Variants in XPO6 observed in about 807,000 individuals in gnomAD.
The protein encoded by XPO6 is exportin 6.
XPO6 carries 3 observed loss-of-function variants against 130.0 expected under a neutral mutation model. That is an observed-to-expected ratio of 0.02 (90% CI 0.01 to 0.06). The LOEUF is 0.06. Among genes scored for constraint, XPO6 ranks in the 10% least tolerant of loss-of-function variants. The probability of loss-of-function intolerance (pLI) is 1.00; values close to 1 mark genes in which losing one functional copy is unlikely to be tolerated. For missense variants in XPO6, 970 were observed against 1,393.0 expected, an observed-to-expected ratio of 0.70 and a Z score of 4.83; for synonymous variants, 524 against 548.9, an observed-to-expected ratio of 0.95 and a Z score of 0.63.
intron 6 of XPO6, among the ~76,000 whole-genome samples, chr16:28,156,957 T>C (rs8056323): frequency 0.031 from 4,744 of 152,104 alleles, 216 homozygotes; most frequent in African/African-American, 0.1. Context: ...TACATGACCA[T>C]TAAATAAATA....
intron 9 of XPO6, among the ~76,000 whole-genome samples, chr16:28,145,455 G>GA (rs914738790): frequency 6.6e-6 from 1 of 152,158 alleles, no homozygotes; most frequent in Non-Finnish European, 1.5e-5. Context: ...TATGGGGGGG[G>GA]AAACAAACCA....
At chr16:28,208,075 G>A (rs1410427298) in intron 1 of XPO6, among the ~76,000 whole-genome samples, 1 of 152,166 alleles carries the variant, frequency 6.6e-6, no homozygotes, top group East Asian at 1.9e-4. Context: ...GAATCCAGGA[G>A]GCAGAGGTTG....
At chr16:28,199,185 A>G (rs1391217702) in intron 1 of XPO6, among the ~76,000 whole-genome samples, 2 of 152,232 alleles carry the variant, frequency 1.3e-5, no homozygotes, top group Admixed American at 6.5e-5. Flanking sequence ...TTTTATAAAA[A>G]TGTTTTTATT....
At chr16:28,128,995 G>C (rs2042615120) in intron 12 of XPO6, among the ~76,000 whole-genome samples, 1 of 152,156 alleles carries the variant, frequency 6.6e-6, no homozygotes, top group Non-Finnish European at 1.5e-5. Context: ...TGACAACTAT[G>C]GGTACCTAGC....
intron 12 of XPO6, among the ~76,000 whole-genome samples, chr16:28,127,596 C>T (rs1248852557): frequency 6.6e-6 from 1 of 152,172 alleles, no homozygotes; most frequent in Non-Finnish European, 1.5e-5. Context: ...ACAGTAAACA[C>T]GGATGGGTGG....
At chr16:28,209,241 C>G (rs1172423393) in intron 1 of XPO6, 2 of 152,114 alleles carry the variant, frequency 1.3e-5, no homozygotes, top group Non-Finnish European at 2.9e-5. Flanking sequence ...GTGATCGTTG[C>G]ACAACAATGT....
Position 28,211,354 on chromosome 16 carries a change from A to T in XPO6, c.3+12T>A. The T allele has an allele frequency of 2.3e-6, 3 of 1,312,596 alleles. No individual in the cohort carries two copies. Among genetic ancestry groups the T allele is most frequent in the Non-Finnish European group, 2.0e-6 (2 of 1,021,740 alleles). The allele number at this position is 1,312,596 out of a possible 1,614,324, so 81.3% of individuals were successfully genotyped here. A position where few individuals can be genotyped will look rare whatever the true frequency, so the allele number is the denominator to read the frequency against. Reference sequence around the variant, plus strand: ...GCACCCCAGGAGGGAAGGGGGCTCCAATTCCACTTACCATGCTGGCCGGGG... The same window carrying T: ...GCACCCCAGGAGGGAAGGGGGCTCCTATTCCACTTACCATGCTGGCCGGGG... On this transcript the variant is annotated intron_variant, in intron 1 of 23. Transcript: ENST00000304658.
intron 1 of XPO6, among the ~76,000 whole-genome samples, chr16:28,200,134 G>A (rs981570757): frequency 7.3e-5 from 11 of 149,962 alleles, no homozygotes; most frequent in African/African-American, 2.7e-4. Context: ...CAGCCTGGGC[G>A]AAACAGAGGG....
rs759553888 is a variant in XPO6, at chr16:28,111,868, T to C, written c.2290A>G (p.Asn764Asp). The C allele has an allele frequency of 6.2e-7, 1 of 1,614,154 alleles. No homozygotes were observed. The highest frequency in any genetic ancestry group is 1.7e-5 in the Admixed American group (1 of 60,014). Residue 764 changes from asparagine to aspartate, a missense_variant, in exon 17 of 24, where the codon AAC becomes GAC. Asn to Asp is a conservative substitution (Grantham distance 23). Transcript: ENST00000304658. ...LISALSRDYR[N>D]LKPSAVAPQR... ...GGGGCAACAGCACTGGGCTTCAGGT[T>C]GCGATAGTCCCGGGAGAGTGCAGAG...
At chr16:28,140,690 A>G (rs2042874757) in intron 9 of XPO6, among the ~76,000 whole-genome samples, 1 of 149,866 alleles carries the variant, frequency 6.7e-6, no homozygotes, top group Non-Finnish European at 1.5e-5. Context: ...AAAAAAAAAA[A>G]AAATTTTTTT....
chr16:28,131,326 C>T (rs2042664584), intron 12 of XPO6, among the ~76,000 whole-genome samples: 1 of 152,162 alleles, frequency 6.6e-6, no homozygotes, highest in African/African-American at 2.4e-5. Flanking sequence ...GGAGGCTCTG[C>T]CATGAATCAC....
At chr16:28,195,863 C>T (rs1267143210) in intron 1 of XPO6, among the ~76,000 whole-genome samples, 5 of 152,162 alleles carry the variant, frequency 3.3e-5, no homozygotes, top group Non-Finnish European at 7.4e-5. Flanking sequence ...AGCAAAACTC[C>T]GCACATTTAC....
chr16:28,197,953 T>A (rs1596969081), intron 1 of XPO6, among the ~76,000 whole-genome samples: 5 of 57,516 alleles, frequency 8.7e-5, no homozygotes, highest in Non-Finnish European at 1.4e-4. Context: ...TCAGACTACA[T>A]CTAAGTTTAT....
intron 7 of XPO6, chr16:28,154,172 A>G (rs2043143176): frequency 1.0e-6 from 1 of 979,746 alleles, no homozygotes; most frequent in Non-Finnish European, 1.2e-6. Flanking sequence ...TATGTACCGC[A>G]TGATAGTTTT....
intron 1 of XPO6, among the ~76,000 whole-genome samples, chr16:28,204,359 C>T (rs1244217282): frequency 6.6e-6 from 1 of 151,716 alleles, no homozygotes; most frequent in African/African-American, 2.4e-5. Context: ...GAGGGAAGGC[C>T]CCACTGGAAA....
intron 6 of XPO6, among the ~76,000 whole-genome samples, chr16:28,164,564 A>G (rs528107047): frequency 1.3e-5 from 2 of 152,322 alleles, no homozygotes; most frequent in Admixed American, 1.3e-4. Context: ...TTATTTCTCA[A>G]ATACTAAAAT....
chr16:28,169,440 C>A (rs2043414654), intron 5 of XPO6, among the ~76,000 whole-genome samples: 1 of 152,166 alleles, frequency 6.6e-6, no homozygotes, highest in Non-Finnish European at 1.5e-5. Context: ...AGAGTGCTTG[C>A]CACCCACCTA....
chr16:28,167,368 C>T, intron 5 of XPO6: 1 of 985,430 alleles, frequency 1.0e-6, no homozygotes, highest in Non-Finnish European at 1.2e-6. Context: ...CTGGCTTCTG[C>T]TGACCTCATC....
At chr16:28,168,412 A>G (rs1319200927) in intron 5 of XPO6, among the ~76,000 whole-genome samples, 1 of 152,002 alleles carries the variant, frequency 6.6e-6, no homozygotes, top group Non-Finnish European at 1.5e-5. Context: ...AGGCCCCAAA[A>G]TCTGAGGCTG....
Sources: gnomAD v4.1 joint callset for allele counts (sites outside exome capture counted in the v4.1 genomes callset) on GRCh38, gnomAD v4.1.1 for gene constraint, MANE v1.5 for transcripts, NCBI Gene and HGNC (gene_info 2026-07-23, HGNC 2026-07-21) for gene names.